SUPT20HL2: variants seen among roughly 807,000 people sequenced by gnomAD.
SUPT20HL2 encodes SUPT20H like 2.
For missense variants in SUPT20HL2, 288 were observed against 127.4 expected (o/e 2.26, Z -6.07); for synonymous variants, 125 against 51.6 (o/e 2.42, Z -6.10).
In SUPT20HL2 at chrX:24,309,734, T is replaced by TAAAAAAAAAAAAAAAAAA. The variant is rs1429702092; in HGVS notation, c.*1127_*1128insTTTTTTTTTTTTTTTTTT. Among the ~76,000 whole-genome samples, 3 of 15,706 alleles carry TAAAAAAAAAAAAAAAAAA rather than the reference T, an allele frequency of 1.9e-4. No individual in the cohort carries two copies. The highest frequency in any genetic ancestry group is 2.9e-4 in the Non-Finnish European group (3 of 10,392). The allele number at this position is 15,706 out of a possible 115,157, so 13.6% of individuals were successfully genotyped here. On this transcript the variant is annotated 3_prime_UTR_variant, in exon 1 of 1. Transcript: ENST00000486479. ...AAAAAAAAGAAAAAAATAATAAAAA[T>TAAAAAAAAAAAAAAAAAA]AAAAAAAAAAAGAAAAAAAAAAAAA...
chrX:24,308,668 G>A lies in SUPT20HL2; in HGVS notation c.*2194C>T, dbSNP rs1939085620. 8.9e-6 allele frequency among the ~76,000 whole-genome samples: 1 copy of A among 112,059 alleles called. No individual in the cohort carries two copies. Among genetic ancestry groups the A allele is most frequent in the Non-Finnish European group, 1.9e-5 (1 of 53,244 alleles). ...TTGTTAAGGCAAAAAACAGAGAAAT[G>A]TACATGTGTACCTAGAAAAACTAAT... On this transcript the variant is annotated 3_prime_UTR_variant, in exon 1 of 1. Coordinates refer to ENST00000486479, the MANE Select transcript of SUPT20HL2 (RefSeq NM_001136233.3).
At position 24,308,871 on chromosome X, in the gene SUPT20HL2, G is replaced by A. The variant is rs980920005; in HGVS notation, c.*1991C>T. 3.6e-5 allele frequency among the ~76,000 whole-genome samples: 4 copies of A among 111,900 alleles called. No individual in the cohort carries two copies. The highest frequency in any genetic ancestry group is 9.7e-5 in the African/African-American group (3 of 30,778). ...TATATACAAACAATGGAATGTTATC[G>A]AACCACAGAAAGGAATGAATTAGCA... On this transcript the variant is annotated 3_prime_UTR_variant, in exon 1 of 1. Coordinates refer to ENST00000486479, the MANE Select transcript of SUPT20HL2 (RefSeq NM_001136233.3).
rs144856212 is a variant in SUPT20HL2, at chrX:24,312,020, G to A, written c.1296C>T (p.Val432=). 0.041 allele frequency: 15,251 copies of A among 372,708 alleles called. 1,173 individuals carry two copies. The highest frequency in any genetic ancestry group is 0.25 in the African/African-American group (9,135 of 36,085). The allele number at this position is 372,708 out of a possible 1,213,427, so 30.7% of individuals were successfully genotyped here. A position where few individuals can be genotyped will look rare whatever the true frequency, so the allele number is the denominator to read the frequency against. ...GTGTTTTCCATGAAGAGAGCTGACT[G>A]ACACTGGCTGGGCCACTGGAGCTGT... ...MSHSSSGPAS[V]SQLSSWKTPE... Residue 432 remains valine (V), a synonymous_variant, in exon 1 of 1, where the codon GTC becomes GTT. Transcript: ENST00000486479.
rs1429702092 is a variant in SUPT20HL2 at position 24,309,734 on chromosome X, T to TAAAAAAAAAAAAAAAAAAAAAAAAAAAA, written c.*1127_*1128insTTTTTTTTTTTTTTTTTTTTTTTTTTTT. Reference sequence around the variant, plus strand: ...AAAAAAAAGAAAAAAATAATAAAAATAAAAAAAAAAAGAAAAAAAAAAAAA... The same window carrying TAAAAAAAAAAAAAAAAAAAAAAAAAAAA: ...AAAAAAAAGAAAAAAATAATAAAAATAAAAAAAAAAAAAAAAAAAAAAAAAAAAAAAAAAAAAAAGAAAAAAAAAAAAA... On this transcript the variant is annotated 3_prime_UTR_variant, in exon 1 of 1. Transcript: ENST00000486479. 2.0e-3 allele frequency among the ~76,000 whole-genome samples: 31 copies of TAAAAAAAAAAAAAAAAAAAAAAAAAAAA among 15,713 alleles called. No individual in the cohort carries two copies. The highest frequency in any genetic ancestry group is 2.5e-3 in the East Asian group (1 of 396). 13.6% of individuals were successfully genotyped at this position (15,713 alleles called of 115,157 possible). A position where few individuals can be genotyped will look rare whatever the true frequency, so the allele number is the denominator to read the frequency against.
At position 24,312,209 on chromosome X, in the gene SUPT20HL2, T is replaced by C. The variant is rs1165171045; in HGVS notation, c.1107A>G (p.Pro369=). ...GGCTCTTCTGCCTGGCTTTTTTACG[T>C]GGCCGTATTTTACCACAGAGAAGCG... is the stretch of plus-strand genomic sequence containing the variant. ...NDPLLCGKIR[P]RKKARQKSQK... Residue 369 remains proline, a synonymous_variant, in exon 1 of 1, where the codon CCA becomes CCG. Coordinates refer to ENST00000486479, the MANE Select transcript of SUPT20HL2 (RefSeq NM_001136233.3). 2 of 383,100 alleles carry C rather than the reference T, an allele frequency of 5.2e-6. No individual in the cohort carries two copies. Among genetic ancestry groups the C allele is most frequent in the Non-Finnish European group, 1.0e-5 (2 of 191,878 alleles). The allele number at this position is 383,100 out of a possible 1,213,427, so 31.6% of individuals were successfully genotyped here.
In SUPT20HL2 at chrX:24,312,050, C is replaced by T. The variant is rs1939137606; in HGVS notation, c.1266G>A (p.Met422Ile). The T allele has an allele frequency of 2.7e-6, 1 of 373,454 alleles. No individual in the cohort carries two copies. The highest frequency in any genetic ancestry group is 5.3e-6 in the Non-Finnish European group (1 of 187,286). 30.8% of individuals were successfully genotyped at this position (373,454 alleles called of 1,213,427 possible). Reference protein sequence around the residue: ...VQSKVKGPGKMSHSSSGPASV... With the variant: ...VQSKVKGPGKISHSSSGPASV... ...TGGCTGGGCCACTGGAGCTGTGTGA[C>T]ATCTTGCCTGGACCTTTGACTTTGC... Residue 422 changes from methionine (M) to isoleucine (I), a missense_variant, in exon 1 of 1, where the codon ATG becomes ATA. Met to Ile is a conservative substitution (Grantham distance 10, BLOSUM62 1). Transcript: ENST00000486479.
In SUPT20HL2 at chrX:24,308,254, G is replaced by A; in HGVS notation, c.*2608C>T. ...TAAATTTATTTGCCTGCCTGGGAAG[G>A]GAAGGTCACATCACTGAAGCACAAA... On this transcript the variant is annotated 3_prime_UTR_variant, in exon 1 of 1. Coordinates refer to ENST00000486479, the MANE Select transcript of SUPT20HL2 (RefSeq NM_001136233.3). The A allele has an allele frequency of 2.7e-6, 1 of 374,983 alleles. No individual in the cohort carries two copies. Among genetic ancestry groups the A allele is most frequent in the South Asian group, 2.3e-5 (1 of 42,708 alleles). 30.9% of individuals were successfully genotyped at this position (374,983 alleles called of 1,213,427 possible).
rs1190154551 is a variant in SUPT20HL2, at chrX:24,309,988, T to C, written c.*874A>G. Reference sequence around the variant, plus strand: ...ATTTTTCAAAATGAATGTGTAATAATTCCATTCCATATATTGTGCATAAAC... The same window carrying C: ...ATTTTTCAAAATGAATGTGTAATAACTCCATTCCATATATTGTGCATAAAC... On this transcript the variant is annotated 3_prime_UTR_variant, in exon 1 of 1. Transcript: ENST00000486479. Among the ~76,000 whole-genome samples the C allele has an allele frequency of 1.2e-4, 13 of 110,623 alleles. No individual in the cohort carries two copies. Among genetic ancestry groups the C allele is most frequent in the Non-Finnish European group, 3.8e-5 (2 of 52,887 alleles).
In SUPT20HL2 at chrX:24,309,734, T is replaced by TAAAAA. The variant is rs1429702092; in HGVS notation, c.*1123_*1127dup. Among the ~76,000 whole-genome samples, 7 of 15,708 alleles carry TAAAAA rather than the reference T, an allele frequency of 4.5e-4. No homozygotes were observed. The highest frequency in any genetic ancestry group is 5.8e-4 in the Non-Finnish European group (6 of 10,382). The allele number at this position is 15,708 out of a possible 115,157, so 13.6% of individuals were successfully genotyped here. A position where few individuals can be genotyped will look rare whatever the true frequency, so the allele number is the denominator to read the frequency against. On this transcript the variant is annotated 3_prime_UTR_variant, in exon 1 of 1. Coordinates refer to ENST00000486479, the MANE Select transcript of SUPT20HL2 (RefSeq NM_001136233.3). ...AAAAAAAAGAAAAAAATAATAAAAA[T>TAAAAA]AAAAAAAAAAAGAAAAAAAAAAAAA...
In SUPT20HL2 at chrX:24,309,721, AAAATAATAAAAATAAAAAAAAAAAG is replaced by A. The variant is rs1939097655; in HGVS notation, c.*1116_*1140del. On this transcript the variant is annotated 3_prime_UTR_variant, in exon 1 of 1. Transcript: ENST00000486479. ...AAAAAAAATTAAAAAAAAAAAGAAA[AAAATAATAAAAATAAAAAAAAAAAG>A]AAAAAAAAAAAAAAAAAAAAAAACA... 4.5e-5 allele frequency among the ~76,000 whole-genome samples: 3 copies of A among 66,122 alleles called. No homozygotes were observed. The highest frequency in any genetic ancestry group is 7.3e-5 in the Non-Finnish European group (3 of 41,166). 57.4% of individuals were successfully genotyped at this position (66,122 alleles called of 115,157 possible).
Position 24,313,843 on chromosome X carries a change from C to T in SUPT20HL2, c.-528G>A, listed in dbSNP as rs746941998. The T allele has an allele frequency of 1.1e-5, 4 of 355,173 alleles. No individual in the cohort carries two copies. The highest frequency in any genetic ancestry group is 1.1e-4 in the Admixed American group (4 of 37,466). 29.3% of individuals were successfully genotyped at this position (355,173 alleles called of 1,213,427 possible). On this transcript the variant is annotated 5_prime_UTR_variant, in exon 1 of 1. Transcript: ENST00000486479. ...TCTGTTTGAGGGTTTCTGAAAACAT[C>T]GGTACCTGAGGGGTCGTCGTCGTGG...
chrX:24,311,128 T>G lies in SUPT20HL2; in HGVS notation c.2188A>C (p.Ser730Arg), dbSNP rs765921384. Reference protein sequence around the residue: ...LQPQPQAAVLSLLGSAQVPQQ... With the variant: ...LQPQPQAAVLRLLGSAQVPQQ... ...GGAACCTGGGCAGAGCCAAGCAGAC[T>G]CAACACAGCAGCCTGGGGCTGGGGC... Residue 730 changes from serine to arginine, a missense_variant, in exon 1 of 1, where the codon AGT becomes CGT. Coordinates refer to ENST00000486479, the MANE Select transcript of SUPT20HL2 (RefSeq NM_001136233.3). The G allele has an allele frequency of 2.7e-6, 1 of 370,324 alleles. No individual in the cohort carries two copies. The highest frequency in any genetic ancestry group is 5.4e-6 in the Non-Finnish European group (1 of 184,802). 30.5% of individuals were successfully genotyped at this position (370,324 alleles called of 1,213,427 possible).
Position 24,309,747 on chromosome X carries a change from A to AAAAAAAAAAAAAAAAAAAAAAAAAAAT in SUPT20HL2, c.*1114_*1115insATTTTTTTTTTTTTTTTTTTTTTTTTT, listed in dbSNP as rs1939103179. 3.7e-4 allele frequency among the ~76,000 whole-genome samples: 1 copy of AAAAAAAAAAAAAAAAAAAAAAAAAAAT among 2,702 alleles called. No individual in the cohort carries two copies. Among genetic ancestry groups the AAAAAAAAAAAAAAAAAAAAAAAAAAAT allele is most frequent in the Non-Finnish European group, 7.4e-4 (1 of 1,347 alleles). 2.3% of individuals were successfully genotyped at this position (2,702 alleles called of 115,157 possible). A position where few individuals can be genotyped will look rare whatever the true frequency, so the allele number is the denominator to read the frequency against. On this transcript the variant is annotated 3_prime_UTR_variant, in exon 1 of 1. Coordinates refer to ENST00000486479, the MANE Select transcript of SUPT20HL2 (RefSeq NM_001136233.3). Reference sequence around the variant, plus strand: ...AAATAATAAAAATAAAAAAAAAAAGAAAAAAAAAAAAAAAAAAAAAAACAT... The same window carrying AAAAAAAAAAAAAAAAAAAAAAAAAAAT: ...AAATAATAAAAATAAAAAAAAAAAGAAAAAAAAAAAAAAAAAAAAAAAAAAATAAAAAAAAAAAAAAAAAAAAAACAT...
At position 24,312,606 on chromosome X, in the gene SUPT20HL2, T is replaced by C. The variant is rs773700955; in HGVS notation, c.710A>G (p.Gln237Arg). ...GGGCCACGAATACCTCTGGAGGCACTGTTCCATCGGGTCGGTATTCATCTT... is the reference window on the plus strand; with the variant it reads ...GGGCCACGAATACCTCTGGAGGCACCGTTCCATCGGGTCGGTATTCATCTT... Reference protein sequence around the residue: ...KQKMNTDPMEQCLQRYSWPSV... With the variant: ...KQKMNTDPMERCLQRYSWPSV... Residue 237 changes from glutamine (Q) to arginine (R), a missense_variant, in exon 1 of 1, where the codon CAG (glutamine) becomes CGG (arginine). Physicochemically the swap from Gln to Arg is conservative, Grantham distance 43. Coordinates refer to ENST00000486479, the MANE Select transcript of SUPT20HL2 (RefSeq NM_001136233.3). 3.1e-4 allele frequency: 118 copies of C among 385,523 alleles called. 1 individual carries two copies. Among genetic ancestry groups the C allele is most frequent in the African/African-American group, 1.2e-3 (48 of 39,210 alleles). 31.8% of individuals were successfully genotyped at this position (385,523 alleles called of 1,213,427 possible). A position where few individuals can be genotyped will look rare whatever the true frequency, so the allele number is the denominator to read the frequency against.
Position 24,308,908 on chromosome X carries a change from G to A in SUPT20HL2, c.*1954C>T, listed in dbSNP as rs751991047. Among the ~76,000 whole-genome samples the A allele has an allele frequency of 2.8e-4, 31 of 112,316 alleles. No homozygotes were observed. The highest frequency in any genetic ancestry group is 8.7e-4 in the African/African-American group (27 of 30,976). ...GGAATGAATTAGCAATACATTTTAC[G>A]ACATGGAAGAACTTCAAAAACATTA... On this transcript the variant is annotated 3_prime_UTR_variant, in exon 1 of 1. Coordinates refer to ENST00000486479, the MANE Select transcript of SUPT20HL2 (RefSeq NM_001136233.3).
Position 24,309,411 on chromosome X carries a change from C to T in SUPT20HL2, c.*1451G>A, listed in dbSNP as rs1266134904. Among the ~76,000 whole-genome samples, 2 of 104,551 alleles carry T rather than the reference C, an allele frequency of 1.9e-5. No homozygotes were observed. Among genetic ancestry groups the T allele is most frequent in the Admixed American group, 1.1e-4 (1 of 9,355 alleles). The allele number at this position is 104,551 out of a possible 115,157, so 90.8% of individuals were successfully genotyped here. A position where few individuals can be genotyped will look rare whatever the true frequency, so the allele number is the denominator to read the frequency against. On this transcript the variant is annotated 3_prime_UTR_variant, in exon 1 of 1. Coordinates refer to ENST00000486479, the MANE Select transcript of SUPT20HL2 (RefSeq NM_001136233.3). ...AACAAGGCTACAGATATTTGAAAAG[C>T]AAACCAATAAAATGGATTTTCAAAT...
chrX:24,312,364 C>T lies in SUPT20HL2; in HGVS notation c.952G>A (p.Val318Ile), dbSNP rs750520146. ...VEKLAKGYQS[V>I]TAADPQLPVW... is the part of the protein sequence containing the mutation. ...GGGAGCTGTGGGTCAGCAGCTGTGA[C>T]GGACTGATACCCTTTAGCAAGTTTC... is the stretch of plus-strand genomic sequence containing the variant. The change falls in exon 1 of 1, where the codon GTC (valine) becomes ATC (isoleucine). Residue 318 changes from valine to isoleucine, a missense_variant. Transcript: ENST00000486479. 1.0e-5 allele frequency: 4 copies of T among 387,111 alleles called. No homozygotes were observed. The highest frequency in any genetic ancestry group is 4.3e-4 in the Middle Eastern group (1 of 2,331). 31.9% of individuals were successfully genotyped at this position (387,111 alleles called of 1,213,427 possible).
In SUPT20HL2 at chrX:24,312,538, G is replaced by A. The variant is rs755410430; in HGVS notation, c.778C>T (p.Pro260Ser). The A allele has an allele frequency of 2.6e-6, 1 of 387,347 alleles. No homozygotes were observed. The highest frequency in any genetic ancestry group is 2.5e-5 in the Admixed American group (1 of 39,638). The allele number at this position is 387,347 out of a possible 1,213,427, so 31.9% of individuals were successfully genotyped here. ...QQEQSDCPPP[P>S]ELRVSTSGQK... is the part of the protein sequence containing the mutation. ...CCAGAAGTCGACACTCTCAGCTCAG[G>A]AGGAGGTGGACAGTCAGACTGCTCC... Residue 260 changes from proline to serine, a missense_variant, in exon 1 of 1, where the codon CCT becomes TCT. Pro to Ser is a moderately conservative substitution (Grantham distance 74). Transcript: ENST00000486479.
chrX:24,311,507 G>C lies in SUPT20HL2; in HGVS notation c.1809C>G (p.Pro603=), dbSNP rs968574559. 8 of 386,157 alleles carry C rather than the reference G, an allele frequency of 2.1e-5. No individual in the cohort carries two copies. Among genetic ancestry groups the C allele is most frequent in the Non-Finnish European group, 3.6e-5 (7 of 192,441 alleles). 31.8% of individuals were successfully genotyped at this position (386,157 alleles called of 1,213,427 possible). A position where few individuals can be genotyped will look rare whatever the true frequency, so the allele number is the denominator to read the frequency against. ...KPVQAPGSGA[P]APAGISGSGL... Reference sequence around the variant, plus strand: ...CACTGCCACTGATTCCTGCAGGAGCGGGGGCACCCGAGCCAGGGGCCTGCA... The same window carrying C: ...CACTGCCACTGATTCCTGCAGGAGCCGGGGCACCCGAGCCAGGGGCCTGCA... Residue 603 remains proline, a synonymous_variant, in exon 1 of 1, where the codon CCC becomes CCG. Transcript: ENST00000486479.
Sources: allele counts gnomAD v4.1 joint callset (sites outside exome capture counted in the v4.1 genomes callset), GRCh38; gene constraint gnomAD v4.1.1; transcripts MANE v1.5; gene names NCBI Gene and HGNC (gene_info 2026-07-23, HGNC 2026-07-21).